The following XRCC5 variants were observed in gnomAD, a reference collection of about 807,000 sequenced individuals.
The protein encoded by XRCC5 is X-ray repair cross complementing 5.
A neutral mutation model predicts 95.7 loss-of-function variants in XRCC5; 12 were observed. The ratio of observed to expected loss-of-function variants is 0.13; its 90% CI spans 0.08 to 0.20. The LOEUF is 0.20. XRCC5 is among the 10% of genes least tolerant of loss of function. The probability of loss-of-function intolerance (pLI) is 1.00; values close to 1 mark genes in which losing one functional copy is unlikely to be tolerated. For missense variants in XRCC5, 595 were observed against 873.9 expected (o/e 0.68, Z 4.02); for synonymous variants, 281 against 290.3 (o/e 0.97, Z 0.33).
chr2:216,164,055 A>G (rs937519142), intron 16 of XRCC5, among the ~76,000 whole-genome samples: 1 of 152,198 alleles, frequency 6.6e-6, no homozygotes, highest in African/African-American at 2.4e-5. Flanking sequence ...TCTTTAATGT[A>G]TTGGAGTGAT....
intron 14 of XRCC5, among the ~76,000 whole-genome samples, chr2:216,154,966 A>C (rs1688815195): frequency 6.6e-6 from 1 of 151,980 alleles, no homozygotes; most frequent in Non-Finnish European, 1.5e-5. Context: ...GAACTTATTA[A>C]AAAAAACCAT....
chr2:216,112,975 C>G (rs80130892), intron 1 of XRCC5, 41 bp from the exon 2 acceptor site: 4 of 1,484,354 alleles, frequency 2.7e-6, no homozygotes, highest in East Asian at 4.5e-5. Flanking sequence ...TCTTTTCTTA[C>G]GACTTATTTT....
intron 19 of XRCC5, among the ~76,000 whole-genome samples, chr2:216,197,466 A>T (rs1208129105): frequency 6.6e-6 from 1 of 151,682 alleles, no homozygotes; most frequent in Non-Finnish European, 1.5e-5. Flanking sequence ...AAAAAAAAAA[A>T]AAGACAACTC....
At chr2:216,195,023 T>C (rs45493091) in intron 19 of XRCC5, 37 bp downstream of exon 19, 2,066 of 1,594,998 alleles carry the variant, frequency 1.3e-3, no homozygotes, top group Non-Finnish European at 1.7e-3. Context: ...AGTTGAATTA[T>C]TATAGTGGAC....
At chr2:216,137,465 CTT>C (rs1490912351) in intron 11 of XRCC5, among the ~76,000 whole-genome samples, 1 of 151,612 alleles carries the variant, frequency 6.6e-6, no homozygotes, top group Non-Finnish European at 1.5e-5. Flanking sequence ...ATATAAGAAT[CTT>C]TTAATTATAA....
chr2:216,142,195 T>G (rs1165194067), intron 13 of XRCC5, among the ~76,000 whole-genome samples: 1 of 152,200 alleles, frequency 6.6e-6, no homozygotes, highest in Non-Finnish European at 1.5e-5. Context: ...TCTCCTGTAT[T>G]GTATGTAAAT....
intron 12 of XRCC5, 124 bp downstream of exon 12, chr2:216,138,303 T>C: frequency 2.5e-6 from 2 of 794,100 alleles, no homozygotes; most frequent in Non-Finnish European, 4.2e-6. Context: ...TTTCCAATCA[T>C]ACACTTAGAC....
chr2:216,128,819 T>G (rs828703), intron 8 of XRCC5, among the ~76,000 whole-genome samples: 56,450 of 152,068 alleles, frequency 0.37, 12,590 homozygotes, highest in South Asian at 0.53. Flanking sequence ...AAGCAGGCAC[T>G]CTTTGTTATT....
intron 14 of XRCC5, among the ~76,000 whole-genome samples, chr2:216,152,597 A>C (rs1688764350): frequency 6.6e-6 from 1 of 150,810 alleles, no homozygotes; most frequent in South Asian, 2.1e-4. Flanking sequence ...TATTTATTTC[A>C]TCCTGCCTAA....
chr2:216,143,965 C>T (rs374934829), intron 13 of XRCC5, among the ~76,000 whole-genome samples: 5 of 152,018 alleles, frequency 3.3e-5, no homozygotes, highest in Admixed American at 6.6e-5. Flanking sequence ...CCGCCCGCCT[C>T]GGCCTCCCCA....
At chr2:216,181,064 C>T (rs1163612507) in intron 16 of XRCC5, among the ~76,000 whole-genome samples, 2 of 152,010 alleles carry the variant, frequency 1.3e-5, no homozygotes, top group African/African-American at 4.8e-5. Flanking sequence ...CCACCCGCCT[C>T]GGCCTCCCAA....
At chr2:216,187,821 A>ACTCT (rs371097633) in intron 16 of XRCC5, among the ~76,000 whole-genome samples, 1,128 of 47,908 alleles carry the variant, frequency 0.024, 16 homozygotes, top group Middle Eastern at 0.031. Flanking sequence ...ACACACACAC[A>ACTCT]CTCTCTCTCT....
At chr2:216,153,095 C>G (rs1688775529) in intron 14 of XRCC5, among the ~76,000 whole-genome samples, 1 of 152,148 alleles carries the variant, frequency 6.6e-6, no homozygotes, top group Non-Finnish European at 1.5e-5. Flanking sequence ...GAAGAATAGT[C>G]TATTCTGCAA....
At chr2:216,166,456 AATC>A (rs1689055594) in intron 16 of XRCC5, among the ~76,000 whole-genome samples, 1 of 152,120 alleles carries the variant, frequency 6.6e-6, no homozygotes, top group South Asian at 2.1e-4. Context: ...TATATATAAT[AATC>A]ATCTATCAGT....
rs1483389581 is a variant in XRCC5 at position 216,165,425 on chromosome 2, T to C, written c.1834+3377T>C. Among the ~76,000 whole-genome samples the C allele has an allele frequency of 2.0e-5, 3 of 152,200 alleles. No individual in the cohort carries two copies. In the East Asian group the frequency reaches 5.8e-4, roughly 29 times the overall value. On this transcript the variant is annotated intron_variant, in intron 16 of 20. Coordinates refer to ENST00000392132, the MANE Select transcript of XRCC5 (RefSeq NM_021141.4). ...GACTCTCCACAGAGCTGTCGGAAAA[T>C]GGATTGCTTATTAGCAACTAGTTCT...
chr2:216,109,806 T>G (rs1696553939), intron 1 of XRCC5, among the ~76,000 whole-genome samples: 1 of 151,952 alleles, frequency 6.6e-6, no homozygotes, highest in Non-Finnish European at 1.5e-5. Context: ...CTTCCTCTAT[T>G]ACTTCCGAGC....
chr2:216,149,778 A>T (rs537184050), intron 14 of XRCC5, among the ~76,000 whole-genome samples: 1 of 152,102 alleles, frequency 6.6e-6, no homozygotes, highest in Non-Finnish European at 1.5e-5. Flanking sequence ...CCCTGCTATG[A>T]TCACACCTTT....
At chr2:216,139,281 C>T (rs1037025863) in intron 12 of XRCC5, among the ~76,000 whole-genome samples, 3 of 150,850 alleles carry the variant, frequency 2.0e-5, no homozygotes, top group Non-Finnish European at 3.0e-5. Context: ...AAGACATACC[C>T]GAGACTGGGA....
chr2:216,127,850 G>A, intron 8 of XRCC5, 176 bp downstream of exon 8: 1 of 581,098 alleles, frequency 1.7e-6, no homozygotes, highest in Non-Finnish European at 2.7e-6. Flanking sequence ...TGGGTCTTAG[G>A]CAGGTTGCTT....
Sources: allele counts gnomAD v4.1 joint callset (sites outside exome capture counted in the v4.1 genomes callset), GRCh38; gene constraint gnomAD v4.1.1; transcripts MANE v1.5; gene names NCBI Gene and HGNC (gene_info 2026-07-23, HGNC 2026-07-21).